Variants in ANKS1B observed in about 807,000 individuals in gnomAD.
ANKS1B encodes the protein ankyrin repeat and sterile alpha motif domain-containing protein 1B.
A neutral mutation model predicts 148.3 loss-of-function variants in ANKS1B; 36 were observed. The observed-to-expected ratio is 0.24, with a 90% confidence interval of 0.19 to 0.32. The LOEUF (loss-of-function observed/expected upper bound fraction) is 0.32. Among genes scored for constraint, ANKS1B ranks in the 10% least tolerant of loss-of-function variants. ANKS1B has a pLI of 1.00. For missense variants in ANKS1B, 1,157 were observed against 1,542.6 expected, an observed-to-expected ratio of 0.75 and a Z score of 4.19; for synonymous variants, 542 against 560.8, an observed-to-expected ratio of 0.97 and a Z score of 0.47.
At chr12:99,008,133 T>A (rs1449483850) in intron 17 of ANKS1B, among the ~76,000 whole-genome samples, 1 of 152,180 alleles carries the variant, frequency 6.6e-6, no homozygotes, top group East Asian at 1.9e-4. Flanking sequence ...TGTAATAAGA[T>A]ACTTAGCACC....
chr12:98,797,747 T>A (rs970034955), intron 22 of ANKS1B, among the ~76,000 whole-genome samples: 6 of 152,228 alleles, frequency 3.9e-5, no homozygotes, highest in African/African-American at 1.4e-4. Context: ...TAGCTTTCCA[T>A]AAACAATGGA....
chr12:99,874,022 CATAT>C lies in ANKS1B; in HGVS notation c.135-48637_135-48634del, dbSNP rs150860727. 5.0e-4 allele frequency among the ~76,000 whole-genome samples: 69 copies of C among 137,824 alleles called. 2 individuals carry two copies. Among genetic ancestry groups the C allele is most frequent in the African/African-American group, 1.9e-3 (61 of 31,538 alleles). The allele number at this position is 137,824 out of a possible 152,430, so 90.4% of individuals were successfully genotyped here. On this transcript the variant is annotated intron_variant, in intron 1 of 26. Coordinates refer to ENST00000683438, the MANE Select transcript of ANKS1B (RefSeq NM_001352186.2). ...TAAATCTCTCTCTCTCTCTCTCTCACATATATATATATATATATCCTGTTGGTTC... is the reference window on the plus strand; with the variant it reads ...TAAATCTCTCTCTCTCTCTCTCTCACATATATATATATATCCTGTTGGTTC...
At chr12:99,066,113 C>T (rs899298795) in intron 16 of ANKS1B, among the ~76,000 whole-genome samples, 13 of 151,884 alleles carry the variant, frequency 8.6e-5, no homozygotes, top group African/African-American at 3.1e-4. Context: ...CTCAGGAGTT[C>T]GAGACTAGCC....
chr12:99,513,851 A>C (rs10860452), intron 9 of ANKS1B, among the ~76,000 whole-genome samples: 1 of 151,956 alleles, frequency 6.6e-6, no homozygotes, highest in Non-Finnish European at 1.5e-5. Flanking sequence ...ATTCATTTTC[A>C]AAACTAGCTT....
chr12:99,022,466 C>T (rs2099946359), intron 17 of ANKS1B, among the ~76,000 whole-genome samples: 1 of 152,090 alleles, frequency 6.6e-6, no homozygotes, highest in Admixed American at 6.5e-5. Flanking sequence ...CACTATGTAT[C>T]GTTGTGAATA....
intron 8 of ANKS1B, among the ~76,000 whole-genome samples, chr12:99,657,370 T>TG (rs1339744129): frequency 1.3e-5 from 2 of 152,106 alleles, no homozygotes; most frequent in Non-Finnish European, 2.9e-5. Context: ...GACAATATAC[T>TG]GAAAAACCAC....
chr12:99,145,369 G>A (rs2072667134), intron 15 of ANKS1B, among the ~76,000 whole-genome samples: 1 of 152,110 alleles, frequency 6.6e-6, no homozygotes, highest in Admixed American at 6.6e-5. Context: ...CATGGCCAGA[G>A]CTTAAGAGCA....
intron 3 of ANKS1B, among the ~76,000 whole-genome samples, chr12:99,807,873 G>C (rs150995716): frequency 6.6e-5 from 10 of 152,168 alleles, no homozygotes; most frequent in African/African-American, 2.2e-4. Context: ...ACTACTACTT[G>C]TTGAGTGCCT....
rs528862019 is a variant in ANKS1B at position 99,159,968 on chromosome 12, G to A, written c.2420-5573C>T. Among the ~76,000 whole-genome samples the A allele has an allele frequency of 3.4e-4, 52 of 152,248 alleles. 2 individuals carry two copies. The Middle Eastern group carries it at 0.014, about 40-fold the overall frequency. Reference sequence around the variant, plus strand: ...TTGTGGTTTTGATTTGCACTTCTCCGATGATCAGTGACGTTAAGCATTGTT... The same window carrying A: ...TTGTGGTTTTGATTTGCACTTCTCCAATGATCAGTGACGTTAAGCATTGTT... On this transcript the variant is annotated intron_variant, in intron 14 of 26. Coordinates refer to ENST00000683438, the MANE Select transcript of ANKS1B (RefSeq NM_001352186.2).
intron 1 of ANKS1B, among the ~76,000 whole-genome samples, chr12:99,828,565 AACTT>A (rs890136632): frequency 9.2e-5 from 14 of 152,308 alleles, no homozygotes; most frequent in African/African-American, 3.4e-4. Flanking sequence ...AAAAAAAAGA[AACTT>A]AGAGAAAATT....
At chr12:99,932,052 C>CT (rs2094631309) in intron 1 of ANKS1B, among the ~76,000 whole-genome samples, 1 of 152,146 alleles carries the variant, frequency 6.6e-6, no homozygotes, top group African/African-American at 2.4e-5. Flanking sequence ...GCTTATTTCA[C>CT]TTGACATAAC....
intron 17 of ANKS1B, among the ~76,000 whole-genome samples, chr12:98,855,185 T>A (rs762495755): frequency 1.7e-3 from 224 of 134,026 alleles, no homozygotes; most frequent in Non-Finnish European, 1.9e-3. Context: ...AAAAAAAAAA[T>A]CTCTTAAGAA....
At chr12:99,493,675 A>C (rs2096575753) in intron 10 of ANKS1B, among the ~76,000 whole-genome samples, 1 of 152,216 alleles carries the variant, frequency 6.6e-6, no homozygotes, top group Non-Finnish European at 1.5e-5. Flanking sequence ...CTGGATGAAT[A>C]ATTAAATCAT....
intron 14 of ANKS1B, among the ~76,000 whole-genome samples, chr12:99,233,056 G>A (rs2087148316): frequency 6.6e-6 from 1 of 151,784 alleles, no homozygotes; most frequent in Admixed American, 6.6e-5. Flanking sequence ...TTTGTTTTGT[G>A]CACAAAATTA....
chr12:99,379,951 T>C (rs1244489124), intron 12 of ANKS1B, among the ~76,000 whole-genome samples: 1 of 152,246 alleles, frequency 6.6e-6, no homozygotes, highest in Non-Finnish European at 1.5e-5. Context: ...ACTTAGAGTC[T>C]CTTTTGTGAA....
intron 17 of ANKS1B, among the ~76,000 whole-genome samples, chr12:98,897,705 C>A (rs2099766710): frequency 6.6e-6 from 1 of 152,158 alleles, no homozygotes; most frequent in South Asian, 2.1e-4. Context: ...ACCCAGCAAT[C>A]CCAATACTGG....
chr12:99,663,740 G>A (rs1173374808), intron 8 of ANKS1B, among the ~76,000 whole-genome samples: 1 of 152,112 alleles, frequency 6.6e-6, no homozygotes, highest in East Asian at 1.9e-4. Flanking sequence ...CACATTTATT[G>A]AAGGACAGAA....
At chr12:98,747,234 T>TA (rs2097914959) in intron 26 of ANKS1B, among the ~76,000 whole-genome samples, 1 of 151,154 alleles carries the variant, frequency 6.6e-6, no homozygotes, top group Non-Finnish European at 1.5e-5. Flanking sequence ...AAAACAAAAA[T>TA]AAAAAACAAA....
intron 8 of ANKS1B, among the ~76,000 whole-genome samples, chr12:99,708,459 G>A (rs1462524704): frequency 1.3e-5 from 2 of 152,102 alleles, no homozygotes; most frequent in African/African-American, 4.8e-5. Context: ...CTGGAGGCCA[G>A]AAATAAAAAG....
Sources: allele counts gnomAD v4.1 joint callset (sites outside exome capture counted in the v4.1 genomes callset), GRCh38; gene constraint gnomAD v4.1.1; transcripts MANE v1.5; gene names NCBI Gene and HGNC (gene_info 2026-07-23, HGNC 2026-07-21).